The following LRP5 variants were observed in gnomAD, a reference collection of about 807,000 sequenced individuals.
LRP5 encodes low-density lipoprotein receptor-related protein 5.
Under a neutral mutation model 154.1 loss-of-function variants are expected in LRP5, and 62 were observed. That is an observed-to-expected ratio of 0.40 (90% confidence interval 0.33 to 0.50). The LOEUF (loss-of-function observed/expected upper bound fraction) is 0.50. Ranked by LOEUF, LRP5 falls within the 20% of genes least tolerant of loss-of-function variation. LRP5 has a pLI of 0.55. For synonymous variants in LRP5, 966 were observed against 1,011.5 expected (o/e 0.96, Z 0.85); for missense variants, 1,915 against 2,336.7 (o/e 0.82, Z 3.72).
At chr11:68,357,109 G>A (rs1369099053) in intron 2 of LRP5, among the ~76,000 whole-genome samples, 2 of 151,960 alleles carry the variant, frequency 1.3e-5, no homozygotes, top group South Asian at 2.1e-4. Context: ...CTAATGTTTT[G>A]TATTTTTAGT....
chr11:68,309,363 G>C (rs2098586275), upstream of LRP5, among the ~76,000 whole-genome samples: 1 of 152,006 alleles, frequency 6.6e-6, no homozygotes, highest in Admixed American at 6.6e-5. Flanking sequence ...CTCCCGAGTA[G>C]CTGGGATTAC....
the LRP5 span, among the ~76,000 whole-genome samples, chr11:68,305,529 T>TCCTC: frequency 6.6e-6 from 1 of 152,058 alleles, no homozygotes; most frequent in Non-Finnish European, 1.5e-5. Flanking sequence ...TACAACCTCC[T>TCCTC]CCTCCCGGGC....
intron 3 of LRP5, among the ~76,000 whole-genome samples, chr11:68,361,315 A>T (rs1320303138): frequency 2.1e-5 from 3 of 145,312 alleles, no homozygotes; most frequent in South Asian, 2.2e-4. Context: ...AAAAAAAAAA[A>T]TAATAAAATA....
intron 5 of LRP5, among the ~76,000 whole-genome samples, chr11:68,373,341 TCC>T (rs1204910585): frequency 6.6e-6 from 1 of 152,048 alleles, no homozygotes; most frequent in African/African-American, 2.4e-5. Context: ...GGAGCAGCGT[TCC>T]CAGGGGCACA....
intron 17 of LRP5, among the ~76,000 whole-genome samples, chr11:68,433,323 G>T (rs553892984): frequency 6.6e-6 from 1 of 152,202 alleles, no homozygotes; most frequent in East Asian, 1.9e-4. Flanking sequence ...CTGATTCCCA[G>T]TTGGCACCCT....
At chr11:68,433,419 G>A (rs1338823956) in intron 17 of LRP5, among the ~76,000 whole-genome samples, 183 bp from the exon 18 acceptor site, 1 of 152,250 alleles carries the variant, frequency 6.6e-6, no homozygotes, top group Non-Finnish European at 1.5e-5. Context: ...GGTTGGGGCT[G>A]GAGGTGGAGC....
chr11:68,422,387 G>A lies in LRP5; in HGVS notation c.3028-1102G>A, dbSNP rs529196313. On this transcript the variant is annotated intron_variant, in intron 13 of 22. Transcript: ENST00000294304. ...TTCAGGCCTGGGTGGCAGGAGCCCA[G>A]GTGCTCCAGGCCCCATTTGCCCCAG... Among the ~76,000 whole-genome samples the A allele has an allele frequency of 2.6e-5, 4 of 152,324 alleles. No individual in the cohort carries two copies. In the South Asian group the frequency reaches 8.3e-4, roughly 32 times the overall value.
intron 19 of LRP5, among the ~76,000 whole-genome samples, 185 bp from the exon 20 acceptor site, chr11:68,438,261 T>C (rs951419024): frequency 2.0e-5 from 3 of 152,108 alleles, no homozygotes; most frequent in Non-Finnish European, 2.9e-5. Context: ...CCGTGCAGGC[T>C]GAAGGGCCAC....
rs1044580071 is a variant in LRP5, at chr11:68,353,761, G to GA, written c.489-3887dup. On this transcript the variant is annotated intron_variant, in intron 2 of 22. Coordinates refer to ENST00000294304, the MANE Select transcript of LRP5 (RefSeq NM_002335.4). The surrounding 1 kb of genome is among the most constrained non-coding windows in gnomAD (Gnocchi z 4.5). ...GGGTTCCTGCCCCGGCCATCATCAG[G>GA]AAGGGGGTCTCTGGGTCCGAGCGTC... is the stretch of plus-strand genomic sequence containing the variant. Among the ~76,000 whole-genome samples, 1 of 152,228 alleles carries GA rather than the reference G, an allele frequency of 6.6e-6. No individual in the cohort carries two copies. Among genetic ancestry groups the GA allele is most frequent in the African/African-American group, 2.4e-5 (1 of 41,456 alleles).
intron 5 of LRP5, among the ~76,000 whole-genome samples, chr11:68,383,459 G>C (rs376447856): frequency 6.6e-6 from 1 of 152,218 alleles, no homozygotes; most frequent in East Asian, 1.9e-4. Flanking sequence ...GGGACCTTTC[G>C]TGAAGTGGAG....
At position 68,406,816 on chromosome 11, in the gene LRP5, A is replaced by G; in HGVS notation, c.2091+3A>G. On this transcript the variant is annotated splice_donor_region_variant and intron_variant, in intron 9 of 22. Coordinates refer to ENST00000294304, the MANE Select transcript of LRP5 (RefSeq NM_002335.4). Reference sequence around the variant, plus strand: ...ACTGGACAGACGTCAGCCTGAAGGTAGCGTGGGCCAGAACGTGCACACAGG... The same window carrying G: ...ACTGGACAGACGTCAGCCTGAAGGTGGCGTGGGCCAGAACGTGCACACAGG... 1 of 1,613,678 alleles carries G rather than the reference A, an allele frequency of 6.2e-7. No homozygotes were observed. Among genetic ancestry groups the G allele is most frequent in the Non-Finnish European group, 8.5e-7 (1 of 1,179,870 alleles).
intron 7 of LRP5, among the ~76,000 whole-genome samples, chr11:68,394,591 G>A (rs1038704903): frequency 5.3e-5 from 8 of 151,692 alleles, no homozygotes; most frequent in South Asian, 2.1e-4. Context: ...TCAGCCTCCC[G>A]CGTAGCTGGG....
intron 1 of LRP5, among the ~76,000 whole-genome samples, chr11:68,337,357 T>C (rs72932351): frequency 1.3e-5 from 2 of 152,164 alleles, no homozygotes; most frequent in Non-Finnish European, 2.9e-5. Context: ...AATAACTGCT[T>C]TGAGGAGCTG....
At chr11:68,392,809 C>G (rs1266114009) in intron 7 of LRP5, among the ~76,000 whole-genome samples, 1 of 152,102 alleles carries the variant, frequency 6.6e-6, no homozygotes, top group Admixed American at 6.6e-5. Flanking sequence ...CCAGATTCAC[C>G]CACACATTGT....
intron 12 of LRP5, among the ~76,000 whole-genome samples, chr11:68,415,427 C>T (rs1356220953): frequency 6.6e-6 from 1 of 152,172 alleles, no homozygotes; most frequent in African/African-American, 2.4e-5. Context: ...ACCTGCCTTC[C>T]GTCTTAAGTG....
At chr11:68,351,960 G>A (rs756297875) in intron 2 of LRP5, among the ~76,000 whole-genome samples, 159 of 152,292 alleles carry the variant, frequency 1.0e-3, no homozygotes, top group Non-Finnish European at 2.0e-3. Flanking sequence ...GGTTTGGGGC[G>A]GGGCCTGTTT....
intron 2 of LRP5, among the ~76,000 whole-genome samples, chr11:68,349,427 T>C (rs1450473396): frequency 6.6e-6 from 1 of 152,166 alleles, no homozygotes; most frequent in Non-Finnish European, 1.5e-5. Flanking sequence ...GCTGTGTGTA[T>C]GGTGGGCGGC....
At chr11:68,433,448 C>A (rs1045422767) in intron 17 of LRP5, among the ~76,000 whole-genome samples, 154 bp from the exon 18 acceptor site, 1 of 152,184 alleles carries the variant, frequency 6.6e-6, no homozygotes, top group South Asian at 2.1e-4. Flanking sequence ...GGAGCCGCAG[C>A]GATGGAGGAT....
At chr11:68,443,837 T>C (rs1361283199) in intron 21 of LRP5, among the ~76,000 whole-genome samples, 1 of 151,274 alleles carries the variant, frequency 6.6e-6, no homozygotes, top group Non-Finnish European at 1.5e-5. Flanking sequence ...TTTGTACTTT[T>C]AGTAGAGACG....
Sources: allele counts gnomAD v4.1 joint callset (sites outside exome capture counted in the v4.1 genomes callset), GRCh38; gene constraint gnomAD v4.1.1; non-coding constraint Gnocchi (gnomAD v3.1); transcripts MANE v1.5; gene names NCBI Gene and HGNC (gene_info 2026-07-23, HGNC 2026-07-21).